The following RPRD1A variants were observed in gnomAD, a reference collection of about 807,000 sequenced individuals.
RPRD1A encodes the protein regulation of nuclear pre-mRNA domain-containing protein 1A.
Under a neutral mutation model 37.8 loss-of-function variants are expected in RPRD1A, and 9 were observed. That is an observed-to-expected ratio of 0.24 (90% CI 0.14 to 0.42). RPRD1A has a LOEUF of 0.42. RPRD1A is among the 10% of genes least tolerant of loss of function. RPRD1A has a pLI of 1.00. For synonymous variants in RPRD1A, 138 were observed against 139.7 expected, an observed-to-expected ratio of 0.99 and a Z score of 0.08; for missense variants, 255 against 371.0, an observed-to-expected ratio of 0.69 and a Z score of 2.57.
In RPRD1A at chr18:36,008,577, G is replaced by GTGTGTATATGTGTATATATATATATATA; in HGVS notation, c.790-15278_790-15277insTATATATATATATATACACATATACACA. Among the ~76,000 whole-genome samples, 5 of 47,802 alleles carry GTGTGTATATGTGTATATATATATATATA rather than the reference G, an allele frequency of 1.0e-4. 1 individual carries two copies. The highest frequency in any genetic ancestry group is 3.4e-4 in the African/African-American group (5 of 14,812). The allele number at this position is 47,802 out of a possible 152,430, so 31.4% of individuals were successfully genotyped here. On this transcript the variant is annotated intron_variant, in intron 6 of 6. Transcript: ENST00000399022. ...GGCGACACAGCAAGACCTTGTGTGT[G>GTGTGTATATGTGTATATATATATATATA]TATATATATATATCTTTAAAAATCT... is the stretch of plus-strand genomic sequence containing the variant.
chr18:36,036,239 A>G (rs1912185885), intron 1 of RPRD1A, among the ~76,000 whole-genome samples: 1 of 151,978 alleles, frequency 6.6e-6, no homozygotes, highest in Admixed American at 6.6e-5. Flanking sequence ...TGCCTGGCTA[A>G]TTTTTTAAAT....
At chr18:36,026,870 T>C (rs758564401) in intron 6 of RPRD1A, 30 bp downstream of exon 6, 3 of 1,562,222 alleles carry the variant, frequency 1.9e-6, no homozygotes, top group Admixed American at 1.9e-5. Flanking sequence ...ATTAAATAAA[T>C]AAGCACTAAA....
At chr18:36,022,329 C>T (rs76692573) in intron 6 of RPRD1A, among the ~76,000 whole-genome samples, 3,848 of 152,238 alleles carry the variant, frequency 0.025, 185 homozygotes, top group African/African-American at 0.087. Context: ...TAGCTAAGGT[C>T]GTTGATGACG....
chr18:36,047,469 AATAAAGGTTAG>A (rs1167430833), intron 1 of RPRD1A, among the ~76,000 whole-genome samples: 5 of 152,140 alleles, frequency 3.3e-5, no homozygotes, highest in Non-Finnish European at 7.3e-5. Context: ...GGAATGAAAT[AATAAAGGTTAG>A]AGCAGAGACC....
Position 36,031,095 on chromosome 18 carries a change from T to G in RPRD1A, c.284A>C (p.Glu95Ala), listed in dbSNP as rs772741025. ...IVEAFKHVSS[E>A]TDESCKKHLG... ...GTGCTTCTTACAACTTTCATCAGTT[T>G]CACTAAAAAAAAAAAAAAAGAAAAA... Residue 95 changes from glutamate to alanine, a missense_variant and splice_region_variant, in exon 3 of 7, where the codon GAA becomes GCA. Around this residue, in one of 2 missense-constraint regions of RPRD1A, gnomAD observed 211 missense variants for 268.9 expected, o/e 0.78. Transcript: ENST00000399022. 1.6e-5 allele frequency: 25 copies of G among 1,519,364 alleles called. No individual in the cohort carries two copies. In the South Asian group the frequency reaches 3.3e-4, roughly 20 times the overall value. The allele number at this position is 1,519,364 out of a possible 1,614,324, so 94.1% of individuals were successfully genotyped here.
At position 35,990,113 on chromosome 18, in the gene RPRD1A, G is replaced by A. The variant is rs1908637889; in HGVS notation, c.*3038C>T. On this transcript the variant is annotated 3_prime_UTR_variant, in exon 7 of 7. Transcript: ENST00000399022. ...ATGAAACAAGACTACATCCTTAGGA[G>A]CTATTTCTTAATAGAATACAAAGCA... The A allele has an allele frequency of 6.6e-6, 1 of 152,156 alleles. No homozygotes were observed. Among genetic ancestry groups the A allele is most frequent in the Non-Finnish European group, 1.5e-5 (1 of 68,032 alleles). The allele number at this position is 152,156 out of a possible 1,614,324, so 9.4% of individuals were successfully genotyped here. A position where few individuals can be genotyped will look rare whatever the true frequency, so the allele number is the denominator to read the frequency against.
chr18:36,018,137 C>T (rs1910723341), intron 6 of RPRD1A, among the ~76,000 whole-genome samples: 1 of 152,156 alleles, frequency 6.6e-6, no homozygotes, highest in Non-Finnish European at 1.5e-5. Flanking sequence ...AATGATTTAA[C>T]CAATTATGTT....
chr18:36,035,281 G>A (rs896477478), intron 1 of RPRD1A, among the ~76,000 whole-genome samples: 12 of 151,870 alleles, frequency 7.9e-5, no homozygotes, highest in African/African-American at 2.9e-4. Flanking sequence ...TTGGGAGATT[G>A]CCTGCATCAC....
At chr18:36,046,918 A>T (rs895913696) in intron 1 of RPRD1A, among the ~76,000 whole-genome samples, 23 of 151,982 alleles carry the variant, frequency 1.5e-4, no homozygotes, top group African/African-American at 5.6e-4. Context: ...CATATCAAGA[A>T]CCAGGAAGAT....
chr18:36,003,301 T>C (rs182980576), intron 6 of RPRD1A, among the ~76,000 whole-genome samples: 2 of 152,340 alleles, frequency 1.3e-5, no homozygotes, highest in Non-Finnish European at 2.9e-5. Context: ...TAGTGTAGTT[T>C]AACACTAAAC....
intron 1 of RPRD1A, among the ~76,000 whole-genome samples, chr18:36,061,109 C>T (rs569532378): frequency 5.8e-4 from 88 of 152,156 alleles, no homozygotes; most frequent in Non-Finnish European, 1.1e-3. Flanking sequence ...CCCCTACCCC[C>T]GCAACTTGTT....
chr18:36,053,085 T>TA (rs1194275592), intron 1 of RPRD1A, among the ~76,000 whole-genome samples: 5 of 152,078 alleles, frequency 3.3e-5, no homozygotes, highest in African/African-American at 1.2e-4. Flanking sequence ...GTCTGGAGAC[T>TA]AGGGGATAGA....
intron 6 of RPRD1A, among the ~76,000 whole-genome samples, chr18:36,010,383 C>A (rs1198513749): frequency 2.0e-5 from 3 of 152,034 alleles, no homozygotes; most frequent in Admixed American, 6.6e-5. Context: ...GTTCTAGCTT[C>A]TTGGGAAGCT....
chr18:35,999,903 A>G (rs1418820044), intron 6 of RPRD1A, among the ~76,000 whole-genome samples: 1 of 152,214 alleles, frequency 6.6e-6, no homozygotes, highest in Non-Finnish European at 1.5e-5. Flanking sequence ...CACTGCCTTC[A>G]ATAGAACTAT....
intron 6 of RPRD1A, among the ~76,000 whole-genome samples, chr18:36,009,296 T>C (rs971279566): frequency 3.7e-4 from 57 of 152,276 alleles, no homozygotes; most frequent in African/African-American, 1.3e-3. Flanking sequence ...CTGGAGAAGA[T>C]ACTGCCCTTT....
At chr18:36,017,769 T>C (rs541045282) in intron 6 of RPRD1A, among the ~76,000 whole-genome samples, 10 of 152,224 alleles carry the variant, frequency 6.6e-5, no homozygotes, top group African/African-American at 2.2e-4. Flanking sequence ...CAAAGGGCAA[T>C]AGAGTGTAAA....
chr18:36,054,694 A>C (rs1325102568), intron 1 of RPRD1A, among the ~76,000 whole-genome samples: 3 of 152,104 alleles, frequency 2.0e-5, no homozygotes, highest in African/African-American at 4.8e-5. Context: ...AGACTGCAGG[A>C]GAGCCTAGAG....
chr18:36,065,845 T>G (rs1032559618), intron 1 of RPRD1A, among the ~76,000 whole-genome samples: 1 of 152,188 alleles, frequency 6.6e-6, no homozygotes, highest in African/African-American at 2.4e-5. Context: ...TCAGGTTTCC[T>G]CACGTGAAAT....
intron 1 of RPRD1A, among the ~76,000 whole-genome samples, chr18:36,066,729 T>C (rs1350996891): frequency 6.6e-6 from 1 of 152,234 alleles, no homozygotes; most frequent in Non-Finnish European, 1.5e-5. Flanking sequence ...ATAAGAAACT[T>C]GCCCAATTGA....
Sources: allele counts gnomAD v4.1 joint callset (sites outside exome capture counted in the v4.1 genomes callset), GRCh38; gene constraint gnomAD v4.1.1; regional missense constraint gnomAD v4.1.1; transcripts MANE v1.5; gene names NCBI Gene and HGNC (gene_info 2026-07-23, HGNC 2026-07-21).